Variants in C1orf167 observed in about 807,000 individuals in gnomAD.
C1orf167 encodes the protein chromosome 1 open reading frame 167.
C1orf167 carries 153 observed loss-of-function variants against 176.5 expected under a neutral mutation model. The observed-to-expected ratio is 0.87, with a 90% confidence interval of 0.76 to 0.99. C1orf167 has a LOEUF of 0.99. C1orf167 is among the 50% of genes least tolerant of loss of function. The pLI is 0.00. For synonymous variants in C1orf167, 594 were observed against 752.7 expected, an observed-to-expected ratio of 0.79 and a Z score of 3.45; for missense variants, 1,490 against 1,817.7, an observed-to-expected ratio of 0.82 and a Z score of 3.28.
In C1orf167 at chr1:11,768,375, G is replaced by A; in HGVS notation, c.1542+100G>A. 3.8e-6 allele frequency: 4 copies of A among 1,048,678 alleles called. No individual in the cohort carries two copies. The highest frequency in any genetic ancestry group is 5.1e-6 in the Non-Finnish European group (4 of 791,576). The allele number at this position is 1,048,678 out of a possible 1,614,324, so 65.0% of individuals were successfully genotyped here. A position where few individuals can be genotyped will look rare whatever the true frequency, so the allele number is the denominator to read the frequency against. ...AGAGGACACCCACTGGGCATAGGTG[G>A]CACCTCATGAATGATCAGCAGTAAA... On this transcript the variant is annotated intron_variant, in intron 5 of 20. Coordinates refer to ENST00000688073, the MANE Select transcript of C1orf167 (RefSeq NM_001010881.2). This position sits in a 1 kb window ranked among gnomAD's most constrained non-coding sequence, Gnocchi z 4.5.
chr1:11,789,568 A>C lies in C1orf167; in HGVS notation c.*122A>C. On this transcript the variant is annotated 3_prime_UTR_variant, in exon 21 of 21. Coordinates refer to ENST00000688073, the MANE Select transcript of C1orf167 (RefSeq NM_001010881.2). ...TTGAAGAGCTCTGAAGGACAATAAAACCCACTCCTCAGTCCTAGCTGCTGC... is the reference window on the plus strand; with the variant it reads ...TTGAAGAGCTCTGAAGGACAATAAACCCCACTCCTCAGTCCTAGCTGCTGC... 1 of 927,832 alleles carries C rather than the reference A, an allele frequency of 1.1e-6. No homozygotes were observed. The highest frequency in any genetic ancestry group is 1.7e-5 in the African/African-American group (1 of 57,502). The allele number at this position is 927,832 out of a possible 1,614,324, so 57.5% of individuals were successfully genotyped here. A position where few individuals can be genotyped will look rare whatever the true frequency, so the allele number is the denominator to read the frequency against.
chr1:11,778,459 C>T (rs56260590), intron 10 of C1orf167: 33,027 of 321,186 alleles, frequency 0.1, 1,934 homozygotes, highest in South Asian at 0.15. Flanking sequence ...GGCATCGGTA[C>T]CTCTTGAAGC....
chr1:11,766,766 C>G lies in C1orf167; in HGVS notation c.980C>G (p.Pro327Arg). 1 of 1,289,828 alleles carries G rather than the reference C, an allele frequency of 7.8e-7. No homozygotes were observed. The highest frequency in any genetic ancestry group is 1.5e-5 in the African/African-American group (1 of 65,990). 79.9% of individuals were successfully genotyped at this position (1,289,828 alleles called of 1,614,324 possible). Residue 327 changes from proline (P) to arginine (R), a missense_variant, in exon 3 of 21, where the codon CCT becomes CGT. Pro to Arg is a moderately radical substitution (Grantham distance 103). Transcript: ENST00000688073. This position sits in a 1 kb window ranked among gnomAD's most constrained non-coding sequence, Gnocchi z 4.5. ...TGGGCACAAAGCAAGCTAATGTCAC[C>G]TGAGACCACTTTGGGGACACGGACC... The part of the protein sequence containing the change: ...DSWAQSKLMS[P>R]ETTLGTRTKD...
intron 2 of C1orf167, among the ~76,000 whole-genome samples, chr1:11,764,858 C>T (rs186028870): frequency 9.7e-4 from 148 of 152,186 alleles, no homozygotes; most frequent in African/African-American, 3.4e-3. Flanking sequence ...AGTTCAAGAC[C>T]AGCCTGGCCA....
intron 1 of C1orf167, among the ~76,000 whole-genome samples, chr1:11,763,834 T>C: frequency 6.6e-6 from 1 of 152,046 alleles, no homozygotes; most frequent in East Asian, 1.9e-4. Context: ...CCTGGATGCG[T>C]GTGGGAGGCA....
chr1:11,764,408 T>A lies in C1orf167; in HGVS notation c.8T>A (p.Leu3Gln). 7.8e-7 allele frequency: 1 copy of A among 1,289,382 alleles called. No individual in the cohort carries two copies. Among genetic ancestry groups the A allele is most frequent in the Non-Finnish European group, 1.0e-6 (1 of 988,852 alleles). The allele number at this position is 1,289,382 out of a possible 1,614,324, so 79.9% of individuals were successfully genotyped here. Residue 3 changes from leucine (L) to glutamine (Q), a missense_variant, in exon 2 of 21, where the codon CTA becomes CAA. Leu to Gln is a moderately radical substitution (Grantham distance 113). Transcript: ENST00000688073. Reference protein sequence around the residue: MELRSDASHKENV... With the variant: MEQRSDASHKENV... ...ACTCCTGTCCCTGAGCCCATGGAGC[T>A]AAGGTCTGATGCCAGCCACAAGGAG...
chr1:11,787,479 C>A lies in C1orf167; in HGVS notation c.3659C>A (p.Thr1220Lys), dbSNP rs755921837. 1 of 1,302,514 alleles carries A rather than the reference C, an allele frequency of 7.7e-7. No homozygotes were observed. The highest frequency in any genetic ancestry group is 1.0e-6 in the Non-Finnish European group (1 of 988,484). 80.7% of individuals were successfully genotyped at this position (1,302,514 alleles called of 1,614,324 possible). A position where few individuals can be genotyped will look rare whatever the true frequency, so the allele number is the denominator to read the frequency against. Residue 1220 changes from threonine (T) to lysine (K), a missense_variant, in exon 17 of 21, where the codon ACG (threonine) becomes AAG (lysine). Transcript: ENST00000688073. ...SLGGRRKPRGTAWAQRCREHS... is the reference protein window; with the variant it reads ...SLGGRRKPRGKAWAQRCREHS... The stretch of plus-strand genomic sequence containing the variant: ...GGTGGACGGAGGAAGCCAAGGGGAA[C>A]GGCCTGGGCTCAGAGTAAGGAGACC...
At chr1:11,781,224 C>G (rs1326322930) in intron 13 of C1orf167, among the ~76,000 whole-genome samples, 1 of 151,980 alleles carries the variant, frequency 6.6e-6, no homozygotes, top group Non-Finnish European at 1.5e-5. Flanking sequence ...TCTCGAACTC[C>G]TGACCTCAAG....
intron 8 of C1orf167, among the ~76,000 whole-genome samples, chr1:11,774,343 G>A (rs1419895107): frequency 6.6e-6 from 1 of 152,112 alleles, no homozygotes; most frequent in Admixed American, 6.6e-5. Context: ...CACCACGCCC[G>A]GCCTGTTAAA....
At chr1:11,767,301 T>C in intron 4 of C1orf167, 37 bp downstream of exon 4, 1 of 1,235,136 alleles carries the variant, frequency 8.1e-7, no homozygotes, top group Non-Finnish European at 1.1e-6. Flanking sequence ...GGGTTGGAGT[T>C]GGGGGACACG....
chr1:11,770,530 G>A (rs1356883663), intron 6 of C1orf167, among the ~76,000 whole-genome samples: 2 of 147,604 alleles, frequency 1.4e-5, no homozygotes, highest in African/African-American at 2.5e-5. Flanking sequence ...TGCAACCTCC[G>A]CCTCCTGGGT....
chr1:11,768,406 T>A lies in C1orf167; in HGVS notation c.1542+131T>A. 1.3e-6 allele frequency: 1 copy of A among 770,874 alleles called. No individual in the cohort carries two copies. The highest frequency in any genetic ancestry group is 1.8e-6 in the Non-Finnish European group (1 of 553,456). 47.8% of individuals were successfully genotyped at this position (770,874 alleles called of 1,614,324 possible). ...CATGAATGATCAGCAGTAAAGGGTG[T>A]AGTTGTGAGTCCACACACCTGAATC... On this transcript the variant is annotated intron_variant, in intron 5 of 20. Coordinates refer to ENST00000688073, the MANE Select transcript of C1orf167 (RefSeq NM_001010881.2). The surrounding 1 kb of genome is among the most constrained non-coding windows in gnomAD (Gnocchi z 4.5).
intron 14 of C1orf167, among the ~76,000 whole-genome samples, chr1:11,783,414 A>G (rs981297747): frequency 7.2e-5 from 11 of 151,886 alleles, no homozygotes; most frequent in Admixed American, 5.2e-4. Context: ...CACCTGGCTA[A>G]TTTTGTATTT....
At chr1:11,783,940 C>T (rs986136666) in intron 14 of C1orf167, among the ~76,000 whole-genome samples, 5 of 152,200 alleles carry the variant, frequency 3.3e-5, no homozygotes, top group Non-Finnish European at 7.3e-5. Flanking sequence ...TTACTGCAAC[C>T]TCTGCCTCCT....
chr1:11,762,391 A>C, intron 1 of C1orf167, 86 bp downstream of exon 1: 1 of 330,530 alleles, frequency 3.0e-6, no homozygotes, highest in South Asian at 2.3e-5. Flanking sequence ...CCTTAAGTGG[A>C]CAGGGGTGGG....
chr1:11,776,585 CT>C lies in C1orf167; in HGVS notation c.2287del (p.Cys763AlafsTer33). 1 of 1,219,428 alleles carries C rather than the reference CT, an allele frequency of 8.2e-7. No homozygotes were observed. Among genetic ancestry groups the C allele is most frequent in the Non-Finnish European group, 1.1e-6 (1 of 948,230 alleles). The allele number at this position is 1,219,428 out of a possible 1,614,324, so 75.5% of individuals were successfully genotyped here. On this transcript the variant is annotated frameshift_variant, in exon 10 of 21. Transcript: ENST00000688073. LOFTEE classifies it high-confidence loss of function. ...LQDACWTLAL[C>X]WALLLWKMRL... ...AGGATGCCTGCTGGACACTGGCCCT[CT>C]GCTGGGCGCTGCTGCTGTGGAAGAT... is the stretch of plus-strand genomic sequence containing the variant.
intron 4 of C1orf167, among the ~76,000 whole-genome samples, chr1:11,767,712 G>C (rs971935239): frequency 6.6e-6 from 1 of 152,152 alleles, no homozygotes; most frequent in African/African-American, 2.4e-5. Context: ...TGTAGTCTCA[G>C]CTACGCAGGA....
intron 1 of C1orf167, among the ~76,000 whole-genome samples, chr1:11,764,106 G>T (rs778387470): frequency 1.3e-5 from 2 of 152,168 alleles, no homozygotes; most frequent in South Asian, 2.1e-4. Context: ...CGAGAGGTCT[G>T]GGGGGCAGGA....
chr1:11,782,230 G>A lies in C1orf167; in HGVS notation c.2902G>A (p.Val968Ile), dbSNP rs1475689349. ...LHEKCQTWVQ[V>I]HLQGLQKVVF... is the part of the protein sequence containing the mutation. Reference sequence around the variant, plus strand: ...TGAAAAGTGCCAGACATGGGTGCAGGTCCACCTCCAGGGCCTGCAGAAGGT... The same window carrying A: ...TGAAAAGTGCCAGACATGGGTGCAGATCCACCTCCAGGGCCTGCAGAAGGT... Residue 968 changes from valine (V) to isoleucine (I), a missense_variant, in exon 14 of 21, where the codon GTC becomes ATC. Val to Ile is a conservative substitution (Grantham distance 29, BLOSUM62 3). Transcript: ENST00000688073. 3.1e-6 allele frequency: 4 copies of A among 1,300,132 alleles called. No homozygotes were observed. Among genetic ancestry groups the A allele is most frequent in the African/African-American group, 3.0e-5 (2 of 65,776 alleles). 80.5% of individuals were successfully genotyped at this position (1,300,132 alleles called of 1,614,324 possible).
Sources: allele counts gnomAD v4.1 joint callset (sites outside exome capture counted in the v4.1 genomes callset), GRCh38; gene constraint gnomAD v4.1.1; non-coding constraint Gnocchi (gnomAD v3.1); transcripts MANE v1.5; gene names NCBI Gene and HGNC (gene_info 2026-07-23, HGNC 2026-07-21).